Variants in SLC25A20 observed in about 807,000 individuals in gnomAD.
The protein encoded by SLC25A20 is solute carrier family 25 member 20, also known as mitochondrial carnitine/acylcarnitine carrier protein.
A neutral mutation model predicts 39.7 loss-of-function variants in SLC25A20; 29 were observed. That is an observed-to-expected ratio of 0.73 (90% CI 0.54 to 1.00). SLC25A20 has a LOEUF of 1.00. Among genes scored for constraint, SLC25A20 ranks in the 50% least tolerant of loss-of-function variants. The pLI, the probability that SLC25A20 is intolerant of heterozygous loss-of-function variation, is 0.00. For missense variants in SLC25A20, 333 were observed against 379.9 expected, an observed-to-expected ratio of 0.88 and a Z score of 1.03; for synonymous variants, 103 against 142.2, an observed-to-expected ratio of 0.72 and a Z score of 1.96.
At chr3:48,897,362 TA>T (rs1285929696) in intron 1 of SLC25A20, among the ~76,000 whole-genome samples, 28 of 111,088 alleles carry the variant, frequency 2.5e-4, no homozygotes, top group South Asian at 8.1e-4. Flanking sequence ...TATATATATA[TA>T]TATATTTTTT....
chr3:48,859,542 A>T lies in SLC25A20; in HGVS notation c.608+13T>A. On this transcript the variant is annotated intron_variant, in intron 6 of 8. Coordinates refer to ENST00000319017, the MANE Select transcript of SLC25A20 (RefSeq NM_000387.6). ...GACTGGGGAAAGTGGCTTCCAAGTTATGTTTTCCTCACCTCTTTCCCTCCG... is the reference window on the plus strand; with the variant it reads ...GACTGGGGAAAGTGGCTTCCAAGTTTTGTTTTCCTCACCTCTTTCCCTCCG... 6.2e-7 allele frequency: 1 copy of T among 1,611,684 alleles called. No individual in the cohort carries two copies. Among genetic ancestry groups the T allele is most frequent in the Non-Finnish European group, 8.5e-7 (1 of 1,177,776 alleles).
chr3:48,872,846 G>A (rs1575984467), intron 4 of SLC25A20, among the ~76,000 whole-genome samples: 1 of 152,280 alleles, frequency 6.6e-6, no homozygotes, highest in Non-Finnish European at 1.5e-5. Context: ...CTGGGCAATA[G>A]AGTAACACCT....
At chr3:48,872,235 A>G (rs899897104) in intron 4 of SLC25A20, among the ~76,000 whole-genome samples, 4 of 151,218 alleles carry the variant, frequency 2.6e-5, no homozygotes, top group African/African-American at 9.7e-5. Context: ...GGTTCATGCA[A>G]TTCTCCTGCC....
At chr3:48,880,390 G>A (rs1375237776) in intron 3 of SLC25A20, among the ~76,000 whole-genome samples, 1 of 149,594 alleles carries the variant, frequency 6.7e-6, no homozygotes, top group Non-Finnish European at 1.5e-5. Flanking sequence ...TGATTCTCCT[G>A]CCTCAGCTCC....
intron 4 of SLC25A20, among the ~76,000 whole-genome samples, chr3:48,863,597 C>A (rs2083642885): frequency 6.6e-6 from 1 of 152,200 alleles, no homozygotes; most frequent in Admixed American, 6.6e-5. Flanking sequence ...TCAGAACACA[C>A]AAGAGCATCA....
At chr3:48,896,677 AT>A (rs1248088167) in intron 1 of SLC25A20, among the ~76,000 whole-genome samples, 46 of 144,244 alleles carry the variant, frequency 3.2e-4, no homozygotes, top group East Asian at 6.0e-4. Context: ...CATGCAGCCA[AT>A]TTTTTTTTTT....
intron 2 of SLC25A20, among the ~76,000 whole-genome samples, chr3:48,885,066 G>A (rs566092102): frequency 1.3e-5 from 2 of 152,122 alleles, no homozygotes; most frequent in South Asian, 4.2e-4. Context: ...AAGGGAAGAT[G>A]AGCCTGGGCA....
At chr3:48,898,484 G>C (rs927986249) in intron 1 of SLC25A20, among the ~76,000 whole-genome samples, 2 of 152,262 alleles carry the variant, frequency 1.3e-5, no homozygotes, top group Non-Finnish European at 2.9e-5. Flanking sequence ...CAGGCAGTTA[G>C]AGGCTGCTCA....
chr3:48,872,559 T>C (rs2083724868), intron 4 of SLC25A20, among the ~76,000 whole-genome samples: 1 of 151,384 alleles, frequency 6.6e-6, no homozygotes, highest in South Asian at 2.1e-4. Flanking sequence ...TCATATATTA[T>C]ACAAAAATTG....
intron 3 of SLC25A20, among the ~76,000 whole-genome samples, chr3:48,882,756 G>T (rs2083803427): frequency 6.6e-6 from 1 of 152,150 alleles, no homozygotes; most frequent in South Asian, 2.1e-4. Context: ...CAGAGTGATG[G>T]TGTGTGCCTG....
At position 48,877,826 on chromosome 3, in the gene SLC25A20, C is replaced by T. The variant is rs377703466; in HGVS notation, c.417+1532G>A. Among the ~76,000 whole-genome samples, 7 of 152,298 alleles carry T rather than the reference C, an allele frequency of 4.6e-5. No individual in the cohort carries two copies. In the East Asian group the frequency reaches 1.2e-3, roughly 25 times the overall value. Reference sequence around the variant, plus strand: ...AGCCTCCGTTCTAAATTTGTTAAGACATGACTCACCTTTCAGAGTTCCTGA... The same window carrying T: ...AGCCTCCGTTCTAAATTTGTTAAGATATGACTCACCTTTCAGAGTTCCTGA... On this transcript the variant is annotated intron_variant, in intron 4 of 8. Transcript: ENST00000319017.
intron 4 of SLC25A20, among the ~76,000 whole-genome samples, chr3:48,873,503 G>A (rs2083732545): frequency 6.6e-6 from 1 of 151,780 alleles, no homozygotes; most frequent in African/African-American, 2.4e-5. Context: ...CAGCTACCTG[G>A]GTGGCTGAAG....
intron 4 of SLC25A20, among the ~76,000 whole-genome samples, chr3:48,870,502 G>T (rs1051385177): frequency 1.3e-5 from 2 of 150,820 alleles, no homozygotes; most frequent in Non-Finnish European, 3.0e-5. Context: ...AGGTGTAAAT[G>T]TAAGAAAACC....
chr3:48,898,814 C>A lies in SLC25A20; in HGVS notation c.-20G>T. 2 of 1,552,420 alleles carry A rather than the reference C, an allele frequency of 1.3e-6. No homozygotes were observed. The highest frequency in any genetic ancestry group is 2.4e-5 in the East Asian group (1 of 41,164). ...GGCCATGGTCAGTCCGTCTGTCACT[C>A]CGTCTGTCAGTTCTCGGGCCGTCCT... is the stretch of plus-strand genomic sequence containing the variant. On this transcript the variant is annotated 5_prime_UTR_variant, in exon 1 of 9. Transcript: ENST00000319017.
intron 2 of SLC25A20, among the ~76,000 whole-genome samples, chr3:48,887,875 C>A (rs1273965837): frequency 6.6e-6 from 1 of 150,774 alleles, no homozygotes; most frequent in Admixed American, 6.6e-5. Flanking sequence ...TGCACTCCAA[C>A]CTGGGTGACA....
chr3:48,866,773 G>A (rs1185454866), intron 4 of SLC25A20, among the ~76,000 whole-genome samples: 1 of 151,726 alleles, frequency 6.6e-6, no homozygotes, highest in African/African-American at 2.4e-5. Flanking sequence ...TAGGGCTACA[G>A]GTGCATGCCA....
chr3:48,872,845 A>G (rs548560245), intron 4 of SLC25A20, among the ~76,000 whole-genome samples: 1 of 152,256 alleles, frequency 6.6e-6, no homozygotes, highest in African/African-American at 2.4e-5. Context: ...CCTGGGCAAT[A>G]GAGTAACACC....
intron 3 of SLC25A20, among the ~76,000 whole-genome samples, chr3:48,880,574 C>CT (rs35306259): frequency 0.093 from 6,827 of 73,224 alleles, 460 homozygotes; most frequent in Non-Finnish European, 0.12. Flanking sequence ...CTGTGCCCGG[C>CT]TTTTTTTTTT....
chr3:48,889,895 C>CA (rs1407980392), intron 2 of SLC25A20, among the ~76,000 whole-genome samples: 1 of 152,136 alleles, frequency 6.6e-6, no homozygotes, highest in Non-Finnish European at 1.5e-5. Context: ...GCTGAAGGGA[C>CA]ATTGTGAGAA....
Sources: gnomAD v4.1 joint callset for allele counts (sites outside exome capture counted in the v4.1 genomes callset) on GRCh38, gnomAD v4.1.1 for gene constraint, MANE v1.5 for transcripts, NCBI Gene and HGNC (gene_info 2026-07-23, HGNC 2026-07-21) for gene names.